The following SDK2 variants were observed in gnomAD, a reference collection of about 807,000 sequenced individuals.
The protein encoded by SDK2 is sidekick cell adhesion molecule 2.
In SDK2, 105 loss-of-function variants were observed where a neutral mutation model predicts 253.9. The ratio of observed to expected loss-of-function variants is 0.41; its 90% CI spans 0.35 to 0.49. The LOEUF (loss-of-function observed/expected upper bound fraction) is 0.49. Ranked by LOEUF, SDK2 falls within the 20% of genes least tolerant of loss-of-function variation. SDK2 has a pLI of 0.06. For missense variants in SDK2, 2,608 were observed against 3,003.0 expected, an observed-to-expected ratio of 0.87 and a Z score of 3.07; for synonymous variants, 1,249 against 1,234.9, an observed-to-expected ratio of 1.01 and a Z score of -0.24.
At chr17:73,626,752 G>A (rs1350615416) in intron 1 of SDK2, among the ~76,000 whole-genome samples, 1 of 152,206 alleles carries the variant, frequency 6.6e-6, no homozygotes, top group Non-Finnish European at 1.5e-5. Flanking sequence ...GGAAGACAGC[G>A]ATGGAATGGG....
intron 3 of SDK2, among the ~76,000 whole-genome samples, chr17:73,468,223 C>T (rs1236452319): frequency 3.3e-5 from 5 of 152,174 alleles, no homozygotes; most frequent in African/African-American, 1.2e-4. Context: ...TGCTCTGTGG[C>T]CTGCTTCTCT....
chr17:73,379,440 C>T lies in SDK2; in HGVS notation c.4864+8G>A, dbSNP rs771924342. 2 of 1,595,288 alleles carry T rather than the reference C, an allele frequency of 1.3e-6. No homozygotes were observed. Among genetic ancestry groups the T allele is most frequent in the Admixed American group, 1.7e-5 (1 of 59,120 alleles). ...ATGCTGGGGCCGGACAGGGCGGGCG[C>T]TGCTCACCTGCCTCCCCAACAAAGA... is the stretch of plus-strand genomic sequence containing the variant. On this transcript the variant is annotated splice_region_variant and intron_variant, in intron 35 of 44. Coordinates refer to ENST00000392650, the MANE Select transcript of SDK2 (RefSeq NM_001144952.2). The surrounding 1 kb of genome is among the most constrained non-coding windows in gnomAD (Gnocchi z 4.5).
At chr17:73,514,273 CG>C (rs1424942023) in intron 1 of SDK2, among the ~76,000 whole-genome samples, 3 of 152,102 alleles carry the variant, frequency 2.0e-5, no homozygotes, top group Non-Finnish European at 4.4e-5. Context: ...GGCCTCAGCC[CG>C]GGGCTTCCTT....
chr17:73,422,007 G>A (rs903423734), intron 15 of SDK2, among the ~76,000 whole-genome samples: 14 of 152,248 alleles, frequency 9.2e-5, no homozygotes, highest in Non-Finnish European at 2.1e-4. Context: ...GATGTGGAGT[G>A]GAAGGAGGTG....
rs539151602 is a variant in SDK2, at chr17:73,496,118, C to G, written c.224+11320G>C. On this transcript the variant is annotated intron_variant, in intron 2 of 44. Coordinates refer to ENST00000392650, the MANE Select transcript of SDK2 (RefSeq NM_001144952.2). This position sits in a 1 kb window ranked among gnomAD's most constrained non-coding sequence, Gnocchi z 4.7. ...GCCAGGAAGAATGAGGTGGGAGGAG[C>G]CTGCCCTGCTGGGTGGGAGTCAGCG... Among the ~76,000 whole-genome samples the G allele has an allele frequency of 1.8e-4, 28 of 152,292 alleles. No individual in the cohort carries two copies. Among genetic ancestry groups the G allele is most frequent in the Admixed American group, 1.6e-3 (24 of 15,296 alleles).
At chr17:73,362,100 G>C (rs2062646487) in intron 38 of SDK2, among the ~76,000 whole-genome samples, 1 of 152,190 alleles carries the variant, frequency 6.6e-6, no homozygotes. Context: ...AGCTACTACT[G>C]TCTGTGTCTA....
intron 1 of SDK2, among the ~76,000 whole-genome samples, chr17:73,561,175 C>T (rs2045227276): frequency 6.6e-6 from 1 of 152,112 alleles, no homozygotes; most frequent in Non-Finnish European, 1.5e-5. Context: ...AAGGGAGGGG[C>T]CAAGCGAGCT....
chr17:73,571,535 GC>G (rs1249627910), intron 1 of SDK2, among the ~76,000 whole-genome samples: 2 of 152,154 alleles, frequency 1.3e-5, no homozygotes, highest in African/African-American at 4.8e-5. Context: ...CAGCCCGGTG[GC>G]CCCCCGGGCG....
At chr17:73,446,467 G>A (rs1186755243) in intron 5 of SDK2, among the ~76,000 whole-genome samples, 1 of 152,234 alleles carries the variant, frequency 6.6e-6, no homozygotes. Flanking sequence ...TGGATGCTGA[G>A]TAGGGGAAGG....
intron 2 of SDK2, among the ~76,000 whole-genome samples, chr17:73,474,067 A>G (rs942952867): frequency 1.1e-4 from 17 of 152,140 alleles, no homozygotes; most frequent in African/African-American, 3.1e-4. Flanking sequence ...GGGTCTTTCT[A>G]TGTTTCTCAG....
chr17:73,448,433 T>C (rs1256282487), intron 4 of SDK2, among the ~76,000 whole-genome samples: 6 of 152,034 alleles, frequency 3.9e-5, no homozygotes, highest in African/African-American at 1.4e-4. Flanking sequence ...GGCATGATCT[T>C]GGCTCACTGC....
intron 36 of SDK2, among the ~76,000 whole-genome samples, chr17:73,377,324 T>C (rs888403236): frequency 7.9e-5 from 12 of 151,698 alleles, no homozygotes; most frequent in Admixed American, 5.9e-4. Flanking sequence ...GTTCAAACGA[T>C]TCTCCTGCCT....
At position 73,384,014 on chromosome 17, in the gene SDK2, G is replaced by A. The variant is rs1423736095; in HGVS notation, c.4570-3C>T. ...TTGATCTTGTCCTCTGCTGGCGGCTGCAGGAAGGGAGTAGGGCATGGGGAG... is the reference window on the plus strand; with the variant it reads ...TTGATCTTGTCCTCTGCTGGCGGCTACAGGAAGGGAGTAGGGCATGGGGAG... On this transcript the variant is annotated splice_region_variant and splice_polypyrimidine_tract_variant and intron_variant, in intron 32 of 44. Transcript: ENST00000392650. The A allele has an allele frequency of 1.9e-6, 3 of 1,613,220 alleles. No homozygotes were observed. The highest frequency in any genetic ancestry group is 2.2e-5 in the East Asian group (1 of 44,850).
In SDK2 at chr17:73,511,652, A is replaced by C. The variant is rs866918809; in HGVS notation, c.65-4055T>G. Reference sequence around the variant, plus strand: ...TGGTCCTCACAAGGTTCCTCTCCCCAAGCTCCTGCGGTGAAGTCACCCCCT... The same window carrying C: ...TGGTCCTCACAAGGTTCCTCTCCCCCAGCTCCTGCGGTGAAGTCACCCCCT... On this transcript the variant is annotated intron_variant, in intron 1 of 44. Transcript: ENST00000392650. The surrounding 1 kb of genome is among the most constrained non-coding windows in gnomAD (Gnocchi z 4.9). Among the ~76,000 whole-genome samples the C allele has an allele frequency of 1.1e-4, 17 of 152,094 alleles. No individual in the cohort carries two copies. The highest frequency in any genetic ancestry group is 4.1e-4 in the African/African-American group (17 of 41,432).
At chr17:73,622,678 C>A (rs144544890) in intron 1 of SDK2, among the ~76,000 whole-genome samples, 36 of 152,288 alleles carry the variant, frequency 2.4e-4, no homozygotes, top group African/African-American at 7.0e-4. Context: ...CGTGCCTCAC[C>A]CCCTCCTCCC....
At chr17:73,530,853 C>T (rs760286453) in intron 1 of SDK2, among the ~76,000 whole-genome samples, 1 of 152,186 alleles carries the variant, frequency 6.6e-6, no homozygotes, top group Admixed American at 6.5e-5. Flanking sequence ...TAGCTACAAA[C>T]CCATAGGAAA....
At chr17:73,569,740 G>C (rs536217479) in intron 1 of SDK2, among the ~76,000 whole-genome samples, 1 of 152,028 alleles carries the variant, frequency 6.6e-6, no homozygotes, top group East Asian at 1.9e-4. Context: ...AAGATCAGAC[G>C]AGAAAAGAAA....
intron 1 of SDK2, among the ~76,000 whole-genome samples, chr17:73,561,130 A>G (rs570392690): frequency 1.6e-4 from 24 of 152,190 alleles, no homozygotes; most frequent in Non-Finnish European, 3.1e-4. Context: ...CAGACTCCAC[A>G]ACTTGGCATT....
intron 1 of SDK2, among the ~76,000 whole-genome samples, chr17:73,590,757 A>C (rs1458905088): frequency 6.6e-6 from 1 of 152,196 alleles, no homozygotes; most frequent in East Asian, 1.9e-4. Flanking sequence ...GAAGGTTGCC[A>C]GGTAGAGGTT....
Sources: allele counts gnomAD v4.1 joint callset (sites outside exome capture counted in the v4.1 genomes callset), GRCh38; gene constraint gnomAD v4.1.1; non-coding constraint Gnocchi (gnomAD v3.1); transcripts MANE v1.5; gene names NCBI Gene and HGNC (gene_info 2026-07-23, HGNC 2026-07-21).